Variants in LRBA observed in about 807,000 individuals in gnomAD.
LRBA encodes lipopolysaccharide-responsive and beige-like anchor protein.
In LRBA, 176 loss-of-function variants were observed where a neutral mutation model predicts 330.0. That is an observed-to-expected ratio of 0.53 (90% CI 0.47 to 0.60). The LOEUF is 0.60. LRBA is among the 20% of genes least tolerant of loss of function. The pLI is 0.00. For synonymous variants in LRBA, 1,230 were observed against 1,193.0 expected, an observed-to-expected ratio of 1.03 and a Z score of -0.64; for missense variants, 3,259 against 3,444.8, an observed-to-expected ratio of 0.95 and a Z score of 1.35.
At chr4:150,813,205 G>T (rs1744044436) in intron 31 of LRBA, among the ~76,000 whole-genome samples, 1 of 150,294 alleles carries the variant, frequency 6.7e-6, no homozygotes, top group Non-Finnish European at 1.5e-5. Context: ...AAAGAAAAAA[G>T]AAAGGATACT....
chr4:150,431,092 A>G (rs1394832761), intron 46 of LRBA, among the ~76,000 whole-genome samples: 1 of 152,184 alleles, frequency 6.6e-6, no homozygotes, highest in Non-Finnish European at 1.5e-5. Flanking sequence ...TCATGAGTCT[A>G]ATTTGTTACA....
At chr4:150,297,875 AG>A (rs1425515835) in intron 53 of LRBA, among the ~76,000 whole-genome samples, 3 of 152,192 alleles carry the variant, frequency 2.0e-5, no homozygotes, top group African/African-American at 7.2e-5. Context: ...AGGTTAGGGT[AG>A]GGTAAAAGGA....
intron 2 of LRBA, among the ~76,000 whole-genome samples, chr4:150,965,370 T>C (rs539645895): frequency 6.6e-6 from 1 of 152,156 alleles, no homozygotes; most frequent in Non-Finnish European, 1.5e-5. Flanking sequence ...AAAAGCAAGA[T>C]GTAGAACAAG....
At chr4:150,685,118 C>T (rs1166434680) in intron 36 of LRBA, among the ~76,000 whole-genome samples, 1 of 151,824 alleles carries the variant, frequency 6.6e-6, no homozygotes, top group Non-Finnish European at 1.5e-5. Context: ...ATGAGGGAAG[C>T]TGGCCTGAAG....
At chr4:150,432,453 C>CTTTTTTTTTTTTTT (rs35393002) in intron 46 of LRBA, among the ~76,000 whole-genome samples, 1 of 98,426 alleles carries the variant, frequency 1.0e-5, no homozygotes, top group African/African-American at 4.2e-5. Context: ...TAAGTGTGTT[C>CTTTTTTTTTTTTTT]TTTTTTTTTT....
At chr4:150,373,798 A>G (rs1015077215) in intron 47 of LRBA, among the ~76,000 whole-genome samples, 2 of 152,090 alleles carry the variant, frequency 1.3e-5, no homozygotes, top group Non-Finnish European at 2.9e-5. Context: ...CATAATGTTT[A>G]TATTTCAACC....
At chr4:150,442,745 A>G (rs1419630185) in intron 44 of LRBA, among the ~76,000 whole-genome samples, 2 of 152,210 alleles carry the variant, frequency 1.3e-5, no homozygotes, top group Non-Finnish European at 2.9e-5. Context: ...CTTCTATGCT[A>G]TAAAAATGTC....
At chr4:150,612,920 T>C (rs561627374) in intron 37 of LRBA, among the ~76,000 whole-genome samples, 1 of 152,330 alleles carries the variant, frequency 6.6e-6, no homozygotes, top group African/African-American at 2.4e-5. Flanking sequence ...AAGAGATTTT[T>C]GAGAAATACC....
At chr4:150,579,748 G>C (rs1324270890) in intron 40 of LRBA, 1 of 455,950 alleles carries the variant, frequency 2.2e-6, no homozygotes, top group African/African-American at 2.0e-5. Context: ...AGGAGAAGGC[G>C]CAGGACTTGC....
Position 150,732,500 on chromosome 4 carries a change from A to T in LRBA, c.5754+2758T>A, listed in dbSNP as rs187249901. Among the ~76,000 whole-genome samples, 4 of 152,198 alleles carry T rather than the reference A, an allele frequency of 2.6e-5. No homozygotes were observed. In the East Asian group the frequency reaches 7.7e-4, roughly 29 times the overall value. On this transcript the variant is annotated intron_variant, in intron 36 of 56. Coordinates refer to ENST00000651943, the MANE Select transcript of LRBA (RefSeq NM_001364905.1). Reference sequence around the variant, plus strand: ...CTTTTTACTGTCTCTCAACCGAAGAACGGAAAATTGATAGATAATAATTTA... The same window carrying T: ...CTTTTTACTGTCTCTCAACCGAAGATCGGAAAATTGATAGATAATAATTTA...
intron 42 of LRBA, among the ~76,000 whole-genome samples, chr4:150,481,756 A>G (rs1382012112): frequency 2.0e-5 from 3 of 152,024 alleles, no homozygotes; most frequent in Middle Eastern, 3.2e-3. Flanking sequence ...ACCAGTAGTC[A>G]TTTCCCTTTT....
intron 4 of LRBA, among the ~76,000 whole-genome samples, chr4:150,923,963 T>C (rs759970032): frequency 4.6e-5 from 7 of 152,208 alleles, no homozygotes; most frequent in Non-Finnish European, 7.3e-5. Flanking sequence ...TACTGCTCAA[T>C]TGTAAAAGCA....
intron 47 of LRBA, among the ~76,000 whole-genome samples, chr4:150,352,247 A>G (rs13121522): frequency 6.6e-6 from 1 of 152,238 alleles, no homozygotes; most frequent in East Asian, 1.9e-4. Flanking sequence ...GACATAAACC[A>G]TCTTGTGACA....
rs192570254 is a variant in LRBA, at chr4:150,626,613, T to C, written c.5922-27482A>G. On this transcript the variant is annotated intron_variant, in intron 37 of 56. Coordinates refer to ENST00000651943, the MANE Select transcript of LRBA (RefSeq NM_001364905.1). ...GTAGTTTTTATGTAAAGGGTTTTCA[T>C]CAAAACCAATAACTAATTTATAGAA... 4.3e-3 allele frequency among the ~76,000 whole-genome samples: 651 copies of C among 152,168 alleles called. 1 individual carries two copies. Among genetic ancestry groups the C allele is most frequent in the Non-Finnish European group, 4.9e-3 (330 of 67,968 alleles).
At chr4:150,563,361 T>C (rs1422793992) in intron 40 of LRBA, among the ~76,000 whole-genome samples, 2 of 152,288 alleles carry the variant, frequency 1.3e-5, no homozygotes, top group Admixed American at 1.3e-4. Context: ...CATCCCTTCA[T>C]GTTAAAAACT....
chr4:150,826,858 T>TTCTG (rs1746354214), intron 30 of LRBA, among the ~76,000 whole-genome samples: 1 of 152,148 alleles, frequency 6.6e-6, no homozygotes, highest in Non-Finnish European at 1.5e-5. Context: ...CTAGAAGGAT[T>TTCTG]ATACCACTGA....
chr4:150,977,539 C>G (rs551447001), intron 2 of LRBA, among the ~76,000 whole-genome samples: 1 of 151,996 alleles, frequency 6.6e-6, no homozygotes, highest in South Asian at 2.1e-4. Context: ...GACTCTGAAA[C>G]GTGCCGGCTT....
intron 2 of LRBA, among the ~76,000 whole-genome samples, chr4:150,966,951 T>C (rs1282127159): frequency 6.6e-6 from 1 of 152,230 alleles, no homozygotes; most frequent in African/African-American, 2.4e-5. Flanking sequence ...GACAACCTCA[T>C]GGCCTTGAAA....
intron 40 of LRBA, among the ~76,000 whole-genome samples, chr4:150,563,976 T>A (rs1040029543): frequency 7.9e-5 from 12 of 152,148 alleles, no homozygotes; most frequent in Non-Finnish European, 5.9e-5. Context: ...AGTTTATAGA[T>A]TCAATGCCAT....
Sources: gnomAD v4.1 joint callset for allele counts (sites outside exome capture counted in the v4.1 genomes callset) on GRCh38, gnomAD v4.1.1 for gene constraint, MANE v1.5 for transcripts, NCBI Gene and HGNC (gene_info 2026-07-23, HGNC 2026-07-21) for gene names.